The following LFNG variants were observed in gnomAD, a reference collection of about 807,000 sequenced individuals.
The protein encoded by LFNG is beta-1,3-N-acetylglucosaminyltransferase lunatic fringe.
LFNG carries 15 observed loss-of-function variants against 32.7 expected under a neutral mutation model. The observed-to-expected ratio is 0.46, with a 90% CI of 0.31 to 0.71. LFNG has a LOEUF of 0.71. Ranked by LOEUF, LFNG falls within the 30% of genes least tolerant of loss-of-function variation. LFNG has a pLI of 0.06. For synonymous variants in LFNG, 274 were observed against 246.8 expected (o/e 1.11, Z -1.03); for missense variants, 520 against 545.7 (o/e 0.95, Z 0.47).
Position 2,526,787 on chromosome 7 carries a change from C to A in LFNG, c.988-49C>A. On this transcript the variant is annotated intron_variant, in intron 6 of 7. Coordinates refer to ENST00000222725, the MANE Select transcript of LFNG (RefSeq NM_001040167.2). This position sits in a 1 kb window ranked among gnomAD's most constrained non-coding sequence, Gnocchi z 6.9. ...GCTGTGTGGCCAGCCTGGGGCGGGG[C>A]CCAGGGATGTCGGGCCCCTCCCGGC... 2.5e-6 allele frequency: 4 copies of A among 1,569,884 alleles called. No individual in the cohort carries two copies. Among genetic ancestry groups the A allele is most frequent in the Non-Finnish European group, 3.5e-6 (4 of 1,142,702 alleles).
chr7:2,528,532 C>T (rs761213945), downstream of LFNG: 8 of 533,084 alleles, frequency 1.5e-5, no homozygotes, highest in South Asian at 6.7e-5. Context: ...TTGGGTGCAC[C>T]GCATGGAGCA....
rs1310125459 is a variant in LFNG, at chr7:2,512,839, C to A, written c.47+138C>A. 5 of 808,478 alleles carry A rather than the reference C, an allele frequency of 6.2e-6. No homozygotes were observed. The Admixed American group carries it at 1.0e-4, about 16-fold the overall frequency. 50.1% of individuals were successfully genotyped at this position (808,478 alleles called of 1,614,324 possible). The stretch of plus-strand genomic sequence containing the variant: ...TCCTCAGGCTTCTCTTTATCTCCAG[C>A]CTCACCTCCATGAATGCCCCACACA... On this transcript the variant is annotated intron_variant, in intron 1 of 8. Coordinates refer to the LFNG transcript ENST00000402506.
rs749905352 is a variant in LFNG at position 2,526,910 on chromosome 7, C to A, written c.1062C>A (p.Ala354=). Residue 354 remains alanine (A), a synonymous_variant, in exon 7 of 8, where the codon GCC becomes GCA. Coordinates refer to ENST00000222725, the MANE Select transcript of LFNG (RefSeq NM_001040167.2). The surrounding 1 kb of genome is among the most constrained non-coding windows in gnomAD (Gnocchi z 6.9). The part of the protein sequence containing the change: ...VHVKGPFSVE[A]DPSRFRSIHC... ...TGAAGGGGCCCTTCTCGGTGGAGGC[C>A]GACCCATCCAGGTAAGGAAACCCCG... 7 of 1,612,460 alleles carry A rather than the reference C, an allele frequency of 4.3e-6. No homozygotes were observed. The highest frequency in any genetic ancestry group is 1.7e-5 in the Admixed American group (1 of 59,984).
Position 2,526,419 on chromosome 7 carries a change from CCTCCGGGCCCCGCCAGGA to C in LFNG, c.987+16_987+33del, listed in dbSNP as rs1234947015. ...GGAGCTCCACGAGCAGGTGCACCAT[CCTCCGGGCCCCGCCAGGA>C]CTCCGAGAGCACAGGAAGGGACGTG... On this transcript the variant is annotated intron_variant, in intron 6 of 7. Transcript: ENST00000222725. This position sits in a 1 kb window ranked among gnomAD's most constrained non-coding sequence, Gnocchi z 6.9. The C allele has an allele frequency of 6.2e-7, 1 of 1,604,910 alleles. No individual in the cohort carries two copies. Among genetic ancestry groups the C allele is most frequent in the Admixed American group, 1.7e-5 (1 of 60,020 alleles).
chr7:2,525,201 C>T lies in LFNG; in HGVS notation c.482-18C>T. On this transcript the variant is annotated intron_variant, in intron 2 of 7. Transcript: ENST00000222725. ...GGAGCCGGCTCAGACCTACTCACAG[C>T]CGCTCCCCTGTCCACAGGCAACGTG... The T allele has an allele frequency of 1.2e-6, 2 of 1,609,412 alleles. No individual in the cohort carries two copies. The highest frequency in any genetic ancestry group is 1.7e-6 in the Non-Finnish European group (2 of 1,177,244).
At chr7:2,515,696 C>T (rs1779612524), upstream of LFNG, among the ~76,000 whole-genome samples, 1 of 152,242 alleles carries the variant, frequency 6.6e-6, no homozygotes, top group African/African-American at 2.4e-5. Context: ...GGTGAGGCAC[C>T]AGCCATATCC....
chr7:2,527,283 C>T lies in LFNG; in HGVS notation c.*71C>T, dbSNP rs1343738851. On this transcript the variant is annotated 3_prime_UTR_variant, in exon 8 of 8. Coordinates refer to ENST00000222725, the MANE Select transcript of LFNG (RefSeq NM_001040167.2). This position sits in a 1 kb window ranked among gnomAD's most constrained non-coding sequence, Gnocchi z 4.4. ...GGGCCCAGGGACCCTGTTGCGCTGCCCTGGCCTCGGCATTCGAGGCTCCCC... is the reference window on the plus strand; with the variant it reads ...GGGCCCAGGGACCCTGTTGCGCTGCTCTGGCCTCGGCATTCGAGGCTCCCC... 9 of 1,587,188 alleles carry T rather than the reference C, an allele frequency of 5.7e-6. No homozygotes were observed. The East Asian group carries it at 9.2e-5, about 16-fold the overall frequency.
At chr7:2,517,401 C>G (rs935283556), upstream of LFNG, among the ~76,000 whole-genome samples, 1 of 152,156 alleles carries the variant, frequency 6.6e-6, no homozygotes, top group African/African-American at 2.4e-5. Context: ...ACGCGGGAAC[C>G]CCCCCTACCC....
chr7:2,527,127 C>T lies in LFNG; in HGVS notation c.1074-19C>T. The T allele has an allele frequency of 1.9e-6, 3 of 1,608,524 alleles. No homozygotes were observed. The highest frequency in any genetic ancestry group is 2.6e-6 in the Non-Finnish European group (3 of 1,176,460). On this transcript the variant is annotated intron_variant, in intron 7 of 7. Coordinates refer to ENST00000222725, the MANE Select transcript of LFNG (RefSeq NM_001040167.2). The surrounding 1 kb of genome is among the most constrained non-coding windows in gnomAD (Gnocchi z 4.4). ...CTGCCTGCCACCCACGCAGACCAGC[C>T]CCTGCTCTGTTCCCACAGGTTCCGC...
chr7:2,514,728 G>A (rs986229908), upstream of LFNG, among the ~76,000 whole-genome samples: 2 of 128,720 alleles, frequency 1.6e-5, no homozygotes, highest in Admixed American at 7.7e-5. Flanking sequence ...CCATTCACCT[G>A]TCCATCCATC....
chr7:2,526,820 C>T lies in LFNG; in HGVS notation c.988-16C>T, dbSNP rs376736772. 6.0e-5 allele frequency: 96 copies of T among 1,611,638 alleles called. 1 individual carries two copies. In the South Asian group the frequency reaches 7.9e-4, roughly 13 times the overall value. On this transcript the variant is annotated splice_polypyrimidine_tract_variant and intron_variant, in intron 6 of 7. Coordinates refer to ENST00000222725, the MANE Select transcript of LFNG (RefSeq NM_001040167.2). The surrounding 1 kb of genome is among the most constrained non-coding windows in gnomAD (Gnocchi z 6.9). ...TGTCGGGCCCCTCCCGGCATCACTC[C>T]GCCCGCTCCCCACAGGTGACGCTGA...
chr7:2,519,909 G>T lies in LFNG; in HGVS notation c.48G>T (p.Ala16=). Residue 16 remains alanine, a synonymous_variant, in exon 1 of 8, where the codon GCG becomes GCT. Transcript: ENST00000222725. ...GRRLLLALAG[A]LLACLLVLTA... is the part of the protein sequence containing the mutation. ...GCCTGCTGCTGGCGCTGGCGGGCGC[G>T]CTGCTCGCCTGCCTGCTGGTGCTCA... is the stretch of plus-strand genomic sequence containing the variant. The T allele has an allele frequency of 1.8e-6, 2 of 1,091,314 alleles. No individual in the cohort carries two copies. Among genetic ancestry groups the T allele is most frequent in the Non-Finnish European group, 2.2e-6 (2 of 893,618 alleles). 67.6% of individuals were successfully genotyped at this position (1,091,314 alleles called of 1,614,324 possible).
intron 1 of LFNG, among the ~76,000 whole-genome samples, chr7:2,521,075 G>T (rs1779774552): frequency 6.6e-6 from 1 of 152,202 alleles, no homozygotes; most frequent in Non-Finnish European, 1.5e-5. Flanking sequence ...AGAGGCATTT[G>T]CTGTGAGGGT....
upstream of LFNG, among the ~76,000 whole-genome samples, chr7:2,518,107 C>T (rs886627222): frequency 5.9e-5 from 9 of 152,196 alleles, no homozygotes; most frequent in South Asian, 4.2e-4. Flanking sequence ...CCCCTCAGTC[C>T]GGAGGCTGGG....
At chr7:2,517,842 A>G, upstream of LFNG, 1 of 1,228,406 alleles carries the variant, frequency 8.1e-7, no homozygotes, top group Non-Finnish European at 1.0e-6. Flanking sequence ...CGGGACTTTA[A>G]CTCAGCCAGT....
chr7:2,525,234 C>G lies in LFNG; in HGVS notation c.497C>G (p.Thr166Arg). ...LARHTGNVVITNCSAAHSRQA... is the reference protein window; with the variant it reads ...LARHTGNVVIRNCSAAHSRQA... ...CTGTCCACAGGCAACGTGGTCATCACAAACTGCTCGGCCGCCCACAGCCGC... is the reference window on the plus strand; with the variant it reads ...CTGTCCACAGGCAACGTGGTCATCAGAAACTGCTCGGCCGCCCACAGCCGC... Residue 166 changes from threonine (T) to arginine (R), a missense_variant, in exon 3 of 8, where the codon ACA (threonine) becomes AGA (arginine). Physicochemically the swap from Thr to Arg is moderately conservative, Grantham distance 71. Coordinates refer to ENST00000222725, the MANE Select transcript of LFNG (RefSeq NM_001040167.2). 1 of 1,612,878 alleles carries G rather than the reference C, an allele frequency of 6.2e-7. No homozygotes were observed.
chr7:2,527,038 C>A lies in LFNG; in HGVS notation c.1074-108C>A, dbSNP rs765982169. The A allele has an allele frequency of 7.1e-7, 1 of 1,416,788 alleles. No individual in the cohort carries two copies. The highest frequency in any genetic ancestry group is 1.8e-5 in the Admixed American group (1 of 55,536). 87.8% of individuals were successfully genotyped at this position (1,416,788 alleles called of 1,614,324 possible). ...CATGACTCTACATAGAGGTGTCCCC[C>A]GGAGTCCTGCTTGCTCGGGGTGGGG... On this transcript the variant is annotated intron_variant, in intron 7 of 7. Transcript: ENST00000222725. The surrounding 1 kb of genome is among the most constrained non-coding windows in gnomAD (Gnocchi z 4.4).
upstream of LFNG, chr7:2,513,206 G>A (rs779976655): frequency 5.6e-6 from 9 of 1,613,708 alleles, no homozygotes; most frequent in Admixed American, 1.7e-5. Context: ...GCTGTGGGAT[G>A]AGCACATGAA....
chr7:2,520,127 G>T lies in LFNG; in HGVS notation c.266G>T (p.Gly89Val), dbSNP rs938320862. 5.0e-5 allele frequency: 67 copies of T among 1,351,030 alleles called. No individual in the cohort carries two copies. The highest frequency in any genetic ancestry group is 5.8e-5 in the Non-Finnish European group (61 of 1,043,180). 83.7% of individuals were successfully genotyped at this position (1,351,030 alleles called of 1,614,324 possible). A position where few individuals can be genotyped will look rare whatever the true frequency, so the allele number is the denominator to read the frequency against. ...CTCACCCGCGCGCGCAGAGATGCGG[G>T]CCCGCCGCCCGGGGCTGCCCCCCGC... is the stretch of plus-strand genomic sequence containing the variant. The part of the protein sequence containing the change: ...SLLTRARRDA[G>V]PPPGAAPRPA... Residue 89 changes from glycine to valine, a missense_variant, in exon 1 of 8, where the codon GGC becomes GTC. Coordinates refer to ENST00000222725, the MANE Select transcript of LFNG (RefSeq NM_001040167.2). This position sits in a 1 kb window ranked among gnomAD's most constrained non-coding sequence, Gnocchi z 5.0.
Sources: allele counts gnomAD v4.1 joint callset (sites outside exome capture counted in the v4.1 genomes callset), GRCh38; gene constraint gnomAD v4.1.1; non-coding constraint Gnocchi (gnomAD v3.1); transcripts MANE v1.5; gene names NCBI Gene and HGNC (gene_info 2026-07-23, HGNC 2026-07-21).